IQCK: variants seen among roughly 807,000 people sequenced by gnomAD.
The protein encoded by IQCK is IQ motif containing K.
A neutral mutation model predicts 28.1 loss-of-function variants in IQCK; 29 were observed. The ratio of observed to expected loss-of-function variants is 1.03; its 90% CI spans 0.77 to 1.41. The LOEUF is 1.41. IQCK is among the 40% of genes most tolerant of loss of function. The pLI is 0.00. For synonymous variants in IQCK, 113 were observed against 115.1 expected, an observed-to-expected ratio of 0.98 and a Z score of 0.12; for missense variants, 359 against 314.7, an observed-to-expected ratio of 1.14 and a Z score of -1.07.
intron 7 of IQCK, among the ~76,000 whole-genome samples, chr16:19,805,680 T>C (rs2055824259): frequency 6.6e-6 from 1 of 152,200 alleles, no homozygotes; most frequent in Non-Finnish European, 1.5e-5. Context: ...TTACATCTTA[T>C]AACCACACCA....
intron 1 of IQCK, among the ~76,000 whole-genome samples, chr16:19,725,294 T>C (rs1314674731): frequency 6.6e-6 from 1 of 152,108 alleles, no homozygotes; most frequent in Non-Finnish European, 1.5e-5. Flanking sequence ...CCTCCCAGGC[T>C]CAGGTGATCC....
chr16:19,854,331 T>C (rs1270893806), intron 9 of IQCK, among the ~76,000 whole-genome samples: 3 of 152,198 alleles, frequency 2.0e-5, no homozygotes, highest in Admixed American at 2.0e-4. Context: ...TGTCTGGTTC[T>C]CTCTGCCTGG....
At chr16:19,750,918 C>T (rs954043474) in intron 4 of IQCK, among the ~76,000 whole-genome samples, 1 of 151,940 alleles carries the variant, frequency 6.6e-6, no homozygotes, top group African/African-American at 2.4e-5. Flanking sequence ...TGGGACTGGC[C>T]ATTTAGGGGG....
At chr16:19,789,247 G>GA (rs1228445883) in intron 7 of IQCK, 16 of 122,730 alleles carry the variant, frequency 1.3e-4, no homozygotes, top group South Asian at 2.6e-4. Flanking sequence ...AAAAGAAAAA[G>GA]AAAAAAAAAT....
chr16:19,816,171 G>T (rs980994430), intron 7 of IQCK, among the ~76,000 whole-genome samples: 4 of 152,150 alleles, frequency 2.6e-5, no homozygotes, highest in African/African-American at 9.7e-5. Flanking sequence ...GTTTTGCCAA[G>T]AATCAGAGAA....
Position 19,835,896 on chromosome 16 carries a change from C to T in IQCK, c.802+8759C>T, listed in dbSNP as rs113692532. Among the ~76,000 whole-genome samples the T allele has an allele frequency of 8.3e-3, 1,262 of 152,194 alleles. 19 individuals are homozygous for T. The highest frequency in any genetic ancestry group is 0.029 in the African/African-American group (1,189 of 41,530). On this transcript the variant is annotated intron_variant, in intron 9 of 9. Transcript: ENST00000320394. The stretch of plus-strand genomic sequence containing the variant: ...CATCATGCCCAGCCTTGTAGAAGTA[C>T]CTCTATAGGATTAATTCCTAGAAGT...
At chr16:19,771,728 G>GT (rs1425677354) in intron 6 of IQCK, among the ~76,000 whole-genome samples, 1 of 152,168 alleles carries the variant, frequency 6.6e-6, no homozygotes, top group Non-Finnish European at 1.5e-5. Flanking sequence ...AAAAAAATGT[G>GT]TAAGTATTCC....
intron 9 of IQCK, among the ~76,000 whole-genome samples, chr16:19,854,556 A>G (rs566438262): frequency 5.1e-4 from 78 of 152,294 alleles, no homozygotes; most frequent in Non-Finnish European, 7.2e-4. Flanking sequence ...GATGTCCCCA[A>G]TTTGTCCCTA....
chr16:19,739,557 A>G (rs1597507513), intron 4 of IQCK, among the ~76,000 whole-genome samples: 1 of 152,200 alleles, frequency 6.6e-6, no homozygotes, highest in Admixed American at 6.5e-5. Context: ...GCTCATGCCT[A>G]TAATCCCAGC....
At chr16:19,847,389 C>T (rs897734032) in intron 9 of IQCK, among the ~76,000 whole-genome samples, 4 of 152,204 alleles carry the variant, frequency 2.6e-5, no homozygotes, top group African/African-American at 9.7e-5. Context: ...CAGTGCAGTG[C>T]TCCGTGAAAT....
downstream of IQCK, among the ~76,000 whole-genome samples, chr16:19,830,846 G>A (rs1055097413): frequency 1.3e-5 from 2 of 152,206 alleles, no homozygotes; most frequent in African/African-American, 4.8e-5. Context: ...TATAAGAGAT[G>A]ATGATCTTTA....
intron 1 of IQCK, among the ~76,000 whole-genome samples, chr16:19,729,163 G>A (rs1977751006): frequency 6.6e-6 from 1 of 152,082 alleles, no homozygotes; most frequent in African/African-American, 2.4e-5. Flanking sequence ...TTTTGAGTCA[G>A]AGTCTCGCTG....
At chr16:19,769,004 G>T (rs1281207600) in intron 6 of IQCK, among the ~76,000 whole-genome samples, 2 of 152,098 alleles carry the variant, frequency 1.3e-5, no homozygotes, top group African/African-American at 4.8e-5. Flanking sequence ...GCCCAACTGG[G>T]GCTGGAGGTT....
intron 6 of IQCK, among the ~76,000 whole-genome samples, chr16:19,764,920 C>T (rs1456235285): frequency 3.8e-5 from 5 of 132,010 alleles, no homozygotes; most frequent in Non-Finnish European, 8.0e-5. Context: ...GGGATGGTCT[C>T]GATCTCCTGA....
chr16:19,783,602 A>G (rs554882988), intron 6 of IQCK, among the ~76,000 whole-genome samples: 2 of 152,264 alleles, frequency 1.3e-5, no homozygotes, highest in South Asian at 4.2e-4. Context: ...AGAGAGGGAA[A>G]AGGGCCTGGC....
chr16:19,742,580 G>A (rs879764337), intron 4 of IQCK, among the ~76,000 whole-genome samples: 7 of 152,264 alleles, frequency 4.6e-5, no homozygotes, highest in African/African-American at 7.2e-5. Flanking sequence ...CATAACTGGG[G>A]CATTTTTATC....
At chr16:19,784,752 C>G (rs1325621054) in intron 6 of IQCK, among the ~76,000 whole-genome samples, 1 of 152,172 alleles carries the variant, frequency 6.6e-6, no homozygotes, top group Non-Finnish European at 1.5e-5. Flanking sequence ...CTGATGTAAT[C>G]AAAGGACATT....
At chr16:19,826,789 A>G (rs920301454) in intron 7 of IQCK, among the ~76,000 whole-genome samples, 3 of 152,220 alleles carry the variant, frequency 2.0e-5, no homozygotes, top group African/African-American at 2.4e-5. Flanking sequence ...TTTCTATTGG[A>G]CAGCACACAC....
chr16:19,734,855 T>C (rs1326342163), intron 3 of IQCK, among the ~76,000 whole-genome samples: 1 of 150,428 alleles, frequency 6.6e-6, no homozygotes, highest in East Asian at 1.9e-4. Flanking sequence ...GAAGCAGGGG[T>C]GTATACTGCA....
Sources: allele counts gnomAD v4.1 joint callset (sites outside exome capture counted in the v4.1 genomes callset), GRCh38; gene constraint gnomAD v4.1.1; transcripts MANE v1.5; gene names NCBI Gene and HGNC (gene_info 2026-07-23, HGNC 2026-07-21).